Variants in CFAP99 observed in about 807,000 individuals in gnomAD.
CFAP99 encodes the protein cilia- and flagella-associated protein 99.
In CFAP99, 84 loss-of-function variants were observed where a neutral mutation model predicts 82.7. The observed-to-expected ratio is 1.02, with a 90% CI of 0.85 to 1.22. The LOEUF is 1.22. CFAP99 is among the 50% of genes most tolerant of loss of function. CFAP99 has a pLI of 0.00. For missense variants in CFAP99, 1,059 were observed against 983.5 expected, an observed-to-expected ratio of 1.08 and a Z score of -1.03; for synonymous variants, 456 against 429.5, an observed-to-expected ratio of 1.06 and a Z score of -0.76.
intron 2 of CFAP99, among the ~76,000 whole-genome samples, chr4:2,432,592 T>G (rs1733820726): frequency 6.6e-6 from 1 of 152,102 alleles, no homozygotes; most frequent in African/African-American, 2.4e-5. Context: ...TGCCCCGGCC[T>G]GGACCTGGTC....
intron 1 of CFAP99, among the ~76,000 whole-genome samples, chr4:2,425,707 G>T (rs1733668316): frequency 6.6e-6 from 1 of 152,146 alleles, no homozygotes. Context: ...TTGCTGACAG[G>T]CCCCGCCTCC....
chr4:2,455,058 T>C (rs780633841), intron 11 of CFAP99, among the ~76,000 whole-genome samples: 19 of 152,332 alleles, frequency 1.2e-4, no homozygotes, highest in Non-Finnish European at 2.2e-4. Context: ...CAGGTGAAAC[T>C]GCAGGCGTGC....
chr4:2,433,392 G>T (rs2108716257), intron 2 of CFAP99, among the ~76,000 whole-genome samples: 1 of 151,934 alleles, frequency 6.6e-6, no homozygotes, highest in Non-Finnish European at 1.5e-5. Flanking sequence ...CTGGCTCCTG[G>T]GCTCCTCTGA....
chr4:2,460,229 T>A, exon 14 of CFAP99: 1 of 1,535,924 alleles, frequency 6.5e-7, no homozygotes, highest in Non-Finnish European at 8.7e-7. Context: ...CATGGGGAGA[T>A]CCGCAGCCTT....
chr4:2,429,549 C>G (rs1246016476), intron 2 of CFAP99, among the ~76,000 whole-genome samples: 1 of 151,896 alleles, frequency 6.6e-6, no homozygotes, highest in Non-Finnish European at 1.5e-5. Context: ...GGCAAGCAGG[C>G]TTGTTCCTCA....
intron 1 of CFAP99, among the ~76,000 whole-genome samples, chr4:2,424,896 G>A (rs188498706): frequency 4.2e-4 from 64 of 152,302 alleles, no homozygotes; most frequent in African/African-American, 1.4e-3. Context: ...CCAGAAGACC[G>A]CATCCTTCAG....
At chr4:2,449,994 G>A in exon 8 of CFAP99, 2 of 1,536,146 alleles carry the variant, frequency 1.3e-6, no homozygotes, top group Non-Finnish European at 8.7e-7. Flanking sequence ...GTCCTGCAGG[G>A]AGCGAGTGCA....
chr4:2,446,950 G>A lies in CFAP99; in HGVS notation c.642+1642G>A, dbSNP rs1362306558. ...GTAAGTGGGTGGATGGATGTCAAATGGATGAAGAGATGATCAGGTGGATGG... is the reference window on the plus strand; with the variant it reads ...GTAAGTGGGTGGATGGATGTCAAATAGATGAAGAGATGATCAGGTGGATGG... On this transcript the variant is annotated intron_variant, in intron 6 of 14. Transcript: ENST00000635017. The surrounding 1 kb of genome is among the most constrained non-coding windows in gnomAD (Gnocchi z 5.0). 6.6e-6 allele frequency among the ~76,000 whole-genome samples: 1 copy of A among 151,676 alleles called. No homozygotes were observed. Among genetic ancestry groups the A allele is most frequent in the Non-Finnish European group, 1.5e-5 (1 of 67,918 alleles).
At chr4:2,435,315 A>G (rs2108717787) in intron 2 of CFAP99, among the ~76,000 whole-genome samples, 1 of 151,206 alleles carries the variant, frequency 6.6e-6, no homozygotes, top group East Asian at 1.9e-4. Flanking sequence ...AAAAAAAAAA[A>G]GCAACTGAAA....
intron 4 of CFAP99, among the ~76,000 whole-genome samples, chr4:2,442,817 A>G (rs1734074415): frequency 6.6e-6 from 1 of 152,072 alleles, no homozygotes; most frequent in Non-Finnish European, 1.5e-5. Context: ...CAGCACCAGC[A>G]TCAGAGTTCC....
intron 1 of CFAP99, among the ~76,000 whole-genome samples, chr4:2,425,911 G>A (rs939356786): frequency 6.6e-6 from 1 of 151,984 alleles, no homozygotes; most frequent in Non-Finnish European, 1.5e-5. Context: ...TCGTCAGGAT[G>A]GCGGCGTTGA....
At chr4:2,422,530 C>T (rs1039563944) in intron 1 of CFAP99, among the ~76,000 whole-genome samples, 7 of 152,292 alleles carry the variant, frequency 4.6e-5, no homozygotes, top group African/African-American at 1.7e-4. Flanking sequence ...CAGAATGCTC[C>T]AGCTCCAGGA....
At chr4:2,444,669 C>T (rs1734122836) in intron 5 of CFAP99, among the ~76,000 whole-genome samples, 3 of 152,214 alleles carry the variant, frequency 2.0e-5, no homozygotes, top group Non-Finnish European at 2.9e-5. Flanking sequence ...GGCTCCTGCC[C>T]CACCTGACTC....
At chr4:2,456,238 G>A (rs1046753101) in intron 11 of CFAP99, among the ~76,000 whole-genome samples, 2 of 151,782 alleles carry the variant, frequency 1.3e-5, no homozygotes, top group African/African-American at 4.8e-5. Flanking sequence ...TTGCCATGTT[G>A]GCCAGGCTGG....
intron 6 of CFAP99, among the ~76,000 whole-genome samples, chr4:2,447,978 T>C (rs1368698131): frequency 6.8e-6 from 1 of 147,864 alleles, no homozygotes; most frequent in Non-Finnish European, 1.5e-5. Context: ...GATGGATGGA[T>C]GGCTTCATGG....
At chr4:2,430,556 T>G (rs1000613926) in intron 2 of CFAP99, among the ~76,000 whole-genome samples, 13 of 151,266 alleles carry the variant, frequency 8.6e-5, no homozygotes, top group African/African-American at 2.7e-4. Flanking sequence ...GCCAGAAAAT[T>G]ACGCAATACG....
chr4:2,433,078 C>T (rs920084954), intron 2 of CFAP99, among the ~76,000 whole-genome samples: 1 of 152,160 alleles, frequency 6.6e-6, no homozygotes, highest in Admixed American at 6.5e-5. Flanking sequence ...GCCGTGGGCC[C>T]GGCCCAGCCT....
intron 2 of CFAP99, among the ~76,000 whole-genome samples, chr4:2,431,577 G>T (rs571035096): frequency 6.6e-6 from 1 of 152,176 alleles, no homozygotes; most frequent in East Asian, 1.9e-4. Context: ...GAGAGTAATT[G>T]GCTCTCGTGC....
At position 2,462,802 on chromosome 4, in the gene CFAP99, G is replaced by A. The variant is rs1734660876; in HGVS notation, c.2021G>A (p.Gly674Asp). 4.6e-6 allele frequency: 6 copies of A among 1,308,724 alleles called. No homozygotes were observed. The highest frequency in any genetic ancestry group is 5.8e-6 in the Non-Finnish European group (6 of 1,032,082). The allele number at this position is 1,308,724 out of a possible 1,614,324, so 81.1% of individuals were successfully genotyped here. The change falls in exon 15 of 15, where the codon GGC (glycine) becomes GAC (aspartate). Residue 674 changes from glycine (G) to aspartate (D), a missense_variant. Gly to Asp is a moderately conservative substitution (Grantham distance 94). Coordinates refer to ENST00000635017, the Ensembl canonical transcript of CFAP99. This position sits in a 1 kb window ranked among gnomAD's most constrained non-coding sequence, Gnocchi z 4.1. ...CCTGCCCGCGCCGACGCGTTCCCCG[G>A]CCTGCAGGCGCAGCTAGAGGCGCAG... is the stretch of plus-strand genomic sequence containing the variant.
Sources: gnomAD v4.1 joint callset for allele counts (sites outside exome capture counted in the v4.1 genomes callset) on GRCh38, gnomAD v4.1.1 for gene constraint, Gnocchi (gnomAD v3.1) non-coding constraint, MANE v1.5 for transcripts, NCBI Gene and HGNC (gene_info 2026-07-23, HGNC 2026-07-21) for gene names.